Variants in NAV1 observed in about 807,000 individuals in gnomAD.
NAV1 encodes pore membrane and/or filament interacting like protein 3.
In NAV1, 18 loss-of-function variants were observed where a neutral mutation model predicts 175.2. The observed-to-expected ratio is 0.10, with a 90% CI of 0.07 to 0.15. The LOEUF is 0.15. Among genes scored for constraint, NAV1 ranks in the 10% least tolerant of loss-of-function variants. The probability of loss-of-function intolerance (pLI) is 1.00; values close to 1 mark genes in which losing one functional copy is unlikely to be tolerated. For missense variants in NAV1, 1,731 were observed against 2,436.6 expected (o/e 0.71, Z 6.10); for synonymous variants, 897 against 978.7 (o/e 0.92, Z 1.56).
intron 1 of NAV1, among the ~76,000 whole-genome samples, chr1:201,540,183 C>G (rs1390191284): frequency 6.6e-6 from 1 of 152,092 alleles, no homozygotes; most frequent in Non-Finnish European, 1.5e-5. Context: ...GGGGTGACGT[C>G]CACCCGGCAG....
intron 6 of NAV1, 105 bp from the exon 11 acceptor site, chr1:201,783,301 A>C (rs527725): frequency 0.38 from 439,217 of 1,158,930 alleles, 86,909 homozygotes; most frequent in Admixed American, 0.46. Flanking sequence ...CTCTGTGCTT[A>C]GCAAATAGGC....
chr1:201,668,101 C>G (rs968693950), intron 1 of NAV1, among the ~76,000 whole-genome samples: 5 of 152,158 alleles, frequency 3.3e-5, no homozygotes, highest in Non-Finnish European at 7.3e-5. Context: ...CTCAGGTTTC[C>G]CCTTGAGAAA....
chr1:201,712,293 T>C (rs974198175), intron 1 of NAV1, among the ~76,000 whole-genome samples: 6 of 152,224 alleles, frequency 3.9e-5, no homozygotes, highest in Admixed American at 1.3e-4. Context: ...TTCCTAACTC[T>C]GTGGTCAGTG....
chr1:201,761,264 C>A (rs1212662614), intron 3 of NAV1, among the ~76,000 whole-genome samples: 1 of 152,168 alleles, frequency 6.6e-6, no homozygotes, highest in East Asian at 1.9e-4. Context: ...GAATATGATA[C>A]AAAGAAGTCA....
intron 1 of NAV1, chr1:201,673,030 A>C (rs980990703): frequency 2.0e-5 from 3 of 152,268 alleles, no homozygotes; most frequent in Non-Finnish European, 2.9e-5. Flanking sequence ...GTCTTTACAA[A>C]AAAAAATACT....
intron 3 of NAV1, among the ~76,000 whole-genome samples, chr1:201,744,086 G>A (rs1427026822): frequency 1.3e-5 from 2 of 152,090 alleles, no homozygotes; most frequent in African/African-American, 4.8e-5. Flanking sequence ...GTATCTCTAT[G>A]TTGGTCAGGC....
chr1:201,619,577 T>G (rs1416012237), upstream of NAV1, among the ~76,000 whole-genome samples: 1 of 152,254 alleles, frequency 6.6e-6, no homozygotes, highest in Non-Finnish European at 1.5e-5. Flanking sequence ...AGGTAGTACC[T>G]GCTTACACTT....
intron 1 of NAV1, among the ~76,000 whole-genome samples, chr1:201,685,440 C>T (rs958615692): frequency 7.9e-5 from 12 of 152,142 alleles, no homozygotes; most frequent in African/African-American, 2.9e-4. Flanking sequence ...CAAATGAGCT[C>T]GCACCTTCCC....
In NAV1 at chr1:201,785,415, A is replaced by C. The variant is rs59696612; in HGVS notation, c.2846+64A>C. On this transcript the variant is annotated intron_variant, in intron 8 of 29. Coordinates refer to ENST00000367296, the Ensembl canonical transcript of NAV1. Reference sequence around the variant, plus strand: ...ACTGCTGGTATGTATGAAAAATCATATCTCAACCTGTCCAAGGCTCCAGTC... The same window carrying C: ...ACTGCTGGTATGTATGAAAAATCATCTCTCAACCTGTCCAAGGCTCCAGTC... The C allele has an allele frequency of 1.1e-3, 1,742 of 1,514,924 alleles. 20 individuals are homozygous for C. The African/African-American group carries it at 0.021, about 19-fold the overall frequency. The allele number at this position is 1,514,924 out of a possible 1,614,324, so 93.8% of individuals were successfully genotyped here.
intron 1 of NAV1, among the ~76,000 whole-genome samples, chr1:201,653,391 C>T (rs902226221): frequency 1.6e-4 from 25 of 152,190 alleles, no homozygotes; most frequent in Non-Finnish European, 3.2e-4. Context: ...CCCACACAAG[C>T]GGTTGTCATG....
intron 2 of NAV1, 31 bp downstream of exon 6, chr1:201,712,950 C>T (rs1671973076): frequency 6.5e-7 from 1 of 1,529,504 alleles, no homozygotes; most frequent in Non-Finnish European, 9.1e-7. Flanking sequence ...GGGTCATGCC[C>T]TCTGCCTTCC....
rs1676845186 is a variant in NAV1, at chr1:201,787,611, T to C, written c.2996-857T>C. 1 of 453,792 alleles carries C rather than the reference T, an allele frequency of 2.2e-6. No individual in the cohort carries two copies. Among genetic ancestry groups the C allele is most frequent in the South Asian group, 1.6e-5 (1 of 63,940 alleles). The allele number at this position is 453,792 out of a possible 1,614,324, so 28.1% of individuals were successfully genotyped here. On this transcript the variant is annotated intron_variant, in intron 9 of 29. Coordinates refer to ENST00000367296, the Ensembl canonical transcript of NAV1. This position sits in a 1 kb window ranked among gnomAD's most constrained non-coding sequence, Gnocchi z 4.3. The stretch of plus-strand genomic sequence containing the variant: ...CTAAGCAATAATTACCTCAGGAATT[T>C]GAAAAGGTCAACAGAGAGGTGTGCC...
intron 1 of NAV1, among the ~76,000 whole-genome samples, chr1:201,701,236 G>A (rs896814096): frequency 5.4e-5 from 8 of 149,348 alleles, no homozygotes; most frequent in Non-Finnish European, 1.2e-4. Context: ...CACAGGGTGG[G>A]GAACATCACA....
intron 3 of NAV1, among the ~76,000 whole-genome samples, chr1:201,738,367 T>A (rs1673205472): frequency 6.6e-6 from 1 of 152,126 alleles, no homozygotes; most frequent in African/African-American, 2.4e-5. Context: ...AACTGTTCCA[T>A]TCTCCAGAAA....
chr1:201,783,353 C>A, intron 6 of NAV1, 53 bp from the exon 11 acceptor site: 1 of 1,541,582 alleles, frequency 6.5e-7, no homozygotes. Context: ...GTCCTATCTG[C>A]CTCTCACTCT....
chr1:201,648,059 C>A (rs1324968135), upstream of NAV1, among the ~76,000 whole-genome samples: 1 of 151,358 alleles, frequency 6.6e-6, no homozygotes, highest in Non-Finnish European at 1.5e-5. Context: ...ACCTCCCCCT[C>A]CCGAGCCAGA....
chr1:201,631,180 C>T (rs1037130110), intron 2 of NAV1, among the ~76,000 whole-genome samples: 4 of 152,210 alleles, frequency 2.6e-5, no homozygotes, highest in Non-Finnish European at 4.4e-5. Flanking sequence ...ACTGCACTGC[C>T]TCTGCTCTGG....
chr1:201,656,950 C>G (rs192201536), intron 1 of NAV1, among the ~76,000 whole-genome samples: 41 of 152,280 alleles, frequency 2.7e-4, no homozygotes, highest in Non-Finnish European at 5.4e-4. Context: ...GACCCACTAA[C>G]CAGGCCCCTC....
At chr1:201,603,067 T>C (rs1667570289) in intron 2 of NAV1, among the ~76,000 whole-genome samples, 1 of 152,306 alleles carries the variant, frequency 6.6e-6, no homozygotes, top group South Asian at 2.1e-4. Context: ...GCCGCCCCAG[T>C]CCTGGCGTGA....
Sources: gnomAD v4.1 joint callset for allele counts (sites outside exome capture counted in the v4.1 genomes callset) on GRCh38, gnomAD v4.1.1 for gene constraint, Gnocchi (gnomAD v3.1) non-coding constraint, MANE v1.5 for transcripts, NCBI Gene and HGNC (gene_info 2026-07-23, HGNC 2026-07-21) for gene names.